The following SORCS2 variants were observed in gnomAD, a reference collection of about 807,000 sequenced individuals.
SORCS2 encodes the protein VPS10 domain-containing receptor SorCS2.
In SORCS2, 100 loss-of-function variants were observed where a neutral mutation model predicts 141.6. That is an observed-to-expected ratio of 0.71 (90% CI 0.60 to 0.83). The LOEUF (loss-of-function observed/expected upper bound fraction) is 0.83. Among genes scored for constraint, SORCS2 ranks in the 40% least tolerant of loss-of-function variants. The pLI is 0.00. For missense variants in SORCS2, 1,646 were observed against 1,560.2 expected (o/e 1.05, Z -0.93); for synonymous variants, 789 against 676.9 (o/e 1.17, Z -2.57).
intron 2 of SORCS2, among the ~76,000 whole-genome samples, chr4:7,407,156 G>A (rs1209965108): frequency 6.6e-6 from 1 of 152,024 alleles, no homozygotes; most frequent in Admixed American, 6.5e-5. Flanking sequence ...TAGCATTTGG[G>A]TGAAATGTTC....
intron 1 of SORCS2, among the ~76,000 whole-genome samples, chr4:7,254,146 C>T (rs1425715728): frequency 6.6e-6 from 1 of 152,182 alleles, no homozygotes; most frequent in African/African-American, 2.4e-5. Flanking sequence ...ATAGAACAAT[C>T]ATTAGCTCCA....
intron 3 of SORCS2, among the ~76,000 whole-genome samples, chr4:7,584,202 C>T (rs1716377498): frequency 6.6e-6 from 1 of 152,172 alleles, no homozygotes; most frequent in South Asian, 2.1e-4. Flanking sequence ...GTAGTAGTAA[C>T]AAATAATTGT....
chr4:7,330,717 C>G (rs188852247), intron 1 of SORCS2, among the ~76,000 whole-genome samples: 1 of 152,218 alleles, frequency 6.6e-6, no homozygotes, highest in Admixed American at 6.5e-5. Context: ...CACCTGCCCT[C>G]AGAGGCAGGA....
At chr4:7,207,592 T>G (rs183764985) in intron 1 of SORCS2, among the ~76,000 whole-genome samples, 1 of 152,266 alleles carries the variant, frequency 6.6e-6, no homozygotes, top group East Asian at 1.9e-4. Flanking sequence ...ATGGCACATA[T>G]AAGTAAAGGT....
intron 3 of SORCS2, among the ~76,000 whole-genome samples, chr4:7,594,951 T>C (rs917795577): frequency 6.6e-6 from 1 of 152,100 alleles, no homozygotes; most frequent in Non-Finnish European, 1.5e-5. Flanking sequence ...GCAACACATC[T>C]CCACCTCTGC....
At chr4:7,606,687 G>C (rs1245534635) in intron 3 of SORCS2, among the ~76,000 whole-genome samples, 1 of 152,032 alleles carries the variant, frequency 6.6e-6, no homozygotes, top group Non-Finnish European at 1.5e-5. Context: ...TGTTCACCCT[G>C]AGCTTCAGGG....
chr4:7,216,350 G>C (rs1428104456), intron 1 of SORCS2, among the ~76,000 whole-genome samples: 1 of 152,174 alleles, frequency 6.6e-6, no homozygotes, highest in African/African-American at 2.4e-5. Context: ...GTAGACGTAG[G>C]GGTCCATGGC....
intron 2 of SORCS2, among the ~76,000 whole-genome samples, chr4:7,413,358 A>G (rs915275344): frequency 7.1e-6 from 1 of 140,222 alleles, no homozygotes; most frequent in Admixed American, 7.2e-5. Context: ...TGTATTAAAC[A>G]TGTTCTTATG....
At chr4:7,739,232 C>A in intron 26 of SORCS2, among the ~76,000 whole-genome samples, 1 of 152,276 alleles carries the variant, frequency 6.6e-6, no homozygotes, top group Non-Finnish European at 1.5e-5. Context: ...GGCCCCGGGC[C>A]GCGGGTGAGC....
intron 1 of SORCS2, among the ~76,000 whole-genome samples, chr4:7,230,530 C>G (rs1711783114): frequency 7.1e-6 from 1 of 139,958 alleles, no homozygotes; most frequent in Admixed American, 7.2e-5. Flanking sequence ...ATGGTCAAGT[C>G]TTCCAGTGTC....
chr4:7,724,150 G>GGTGGTGATGGTGATGGTGGTGATA (rs1726825532), intron 19 of SORCS2, among the ~76,000 whole-genome samples: 2 of 135,394 alleles, frequency 1.5e-5, no homozygotes, highest in Admixed American at 7.1e-5. Context: ...TGATGGTCGT[G>GGTGGTGATGGTGATGGTGGTGATA]GTGGTGGTGG....
Position 7,463,740 on chromosome 4 carries a change from G to A in SORCS2, c.548+67385G>A, listed in dbSNP as rs147092153. Among the ~76,000 whole-genome samples, 827 of 152,262 alleles carry A rather than the reference G, an allele frequency of 5.4e-3. 10 individuals carry two copies. The highest frequency in any genetic ancestry group is 0.019 in the African/African-American group (788 of 41,534). ...GACGGTGGTGCCACTCTCCTGCACC[G>A]CTCTGGAGCACCGCGCCGTGCATAC... On this transcript the variant is annotated intron_variant, in intron 2 of 26. Transcript: ENST00000507866.
intron 2 of SORCS2, among the ~76,000 whole-genome samples, chr4:7,486,433 G>A (rs1219181671): frequency 7.2e-6 from 1 of 138,748 alleles, no homozygotes; most frequent in South Asian, 2.3e-4. Flanking sequence ...CCCTGGACAG[G>A]GTCACTGGGC....
chr4:7,314,464 C>T (rs570352127), intron 1 of SORCS2, among the ~76,000 whole-genome samples: 2 of 151,918 alleles, frequency 1.3e-5, no homozygotes, highest in South Asian at 2.1e-4. Flanking sequence ...CTCAGCCTCC[C>T]GAGTAGCTGG....
At chr4:7,632,143 C>G (rs1197522930) in intron 3 of SORCS2, among the ~76,000 whole-genome samples, 1 of 152,200 alleles carries the variant, frequency 6.6e-6, no homozygotes. Flanking sequence ...ACTCACCTGA[C>G]CATGTGTCTG....
intron 2 of SORCS2, among the ~76,000 whole-genome samples, chr4:7,420,842 A>G (rs1725992428): frequency 6.6e-6 from 1 of 152,122 alleles, no homozygotes; most frequent in Non-Finnish European, 1.5e-5. Flanking sequence ...CCTGCACGGC[A>G]TGCTTGATGC....
At chr4:7,677,439 G>A (rs989248583) in intron 9 of SORCS2, among the ~76,000 whole-genome samples, 8 of 152,254 alleles carry the variant, frequency 5.3e-5, no homozygotes, top group Admixed American at 2.6e-4. Context: ...CCAGGCAGAC[G>A]CAGACATAAG....
intron 1 of SORCS2, among the ~76,000 whole-genome samples, chr4:7,302,825 C>T (rs371709181): frequency 2.2e-5 from 3 of 139,410 alleles, no homozygotes; most frequent in Non-Finnish European, 4.8e-5. Flanking sequence ...GAGTGTTCTC[C>T]TATACCTTTT....
chr4:7,323,512 G>A (rs1457137054), intron 1 of SORCS2, among the ~76,000 whole-genome samples: 1 of 152,248 alleles, frequency 6.6e-6, no homozygotes, highest in East Asian at 1.9e-4. Flanking sequence ...GGCTCTGAGG[G>A]GGGTCAGAGC....
Sources: allele counts gnomAD v4.1 joint callset (sites outside exome capture counted in the v4.1 genomes callset), GRCh38; gene constraint gnomAD v4.1.1; transcripts MANE v1.5; gene names NCBI Gene and HGNC (gene_info 2026-07-23, HGNC 2026-07-21).